The following ZNF507 variants were observed in gnomAD, a reference collection of about 807,000 sequenced individuals.
The protein encoded by ZNF507 is zinc finger protein 507.
ZNF507 carries 29 observed loss-of-function variants against 80.0 expected under a neutral mutation model. That is an observed-to-expected ratio of 0.36 (90% CI 0.27 to 0.49). The LOEUF is 0.49. Ranked by LOEUF, ZNF507 falls within the 20% of genes least tolerant of loss-of-function variation. The pLI is 0.98. For synonymous variants in ZNF507, 462 were observed against 422.5 expected (o/e 1.09, Z -1.15); for missense variants, 1,081 against 1,152.2 (o/e 0.94, Z 0.90).
At chr19:32,370,620 T>G (rs1423679812) in intron 5 of ZNF507, among the ~76,000 whole-genome samples, 1 of 152,236 alleles carries the variant, frequency 6.6e-6, no homozygotes, top group Non-Finnish European at 1.5e-5. Context: ...TCTTTATAAA[T>G]TTTGGATATT....
At position 32,353,834 on chromosome 19, in the gene ZNF507, C is replaced by T. The variant is rs201570914; in HGVS notation, c.1004C>T (p.Ser335Leu). 3 of 1,614,188 alleles carry T rather than the reference C, an allele frequency of 1.9e-6. No individual in the cohort carries two copies. The highest frequency in any genetic ancestry group is 2.5e-6 in the Non-Finnish European group (3 of 1,180,036). The change falls in exon 3 of 7, where the codon TCA becomes TTA. Residue 335 changes from serine to leucine, a missense_variant. This residue lies in a region of ZNF507 where 614 missense variants were observed against 583.9 expected (regional missense o/e 1.05). Coordinates refer to ENST00000355898, the MANE Select transcript of ZNF507 (RefSeq NM_001136156.2). ...TGCAGCTCAGAACAGTTATCATCTT[C>T]ATCTCCTTTAGAACAGAGTGCAGAA... ...QICSSEQLSS[S>L]SPLEQSAERG...
At chr19:32,368,028 A>T (rs1322232716) in intron 5 of ZNF507, among the ~76,000 whole-genome samples, 1 of 152,156 alleles carries the variant, frequency 6.6e-6, no homozygotes, top group Admixed American at 6.5e-5. Flanking sequence ...GGGCTAGCTT[A>T]AATAACTTTC....
intron 5 of ZNF507, among the ~76,000 whole-genome samples, chr19:32,373,235 A>G (rs1401600043): frequency 2.0e-5 from 3 of 151,810 alleles, no homozygotes; most frequent in African/African-American, 7.3e-5. Context: ...ACATACATTC[A>G]GATCATACCA....
At chr19:32,367,233 A>T (rs148475104) in intron 5 of ZNF507, among the ~76,000 whole-genome samples, 1 of 152,138 alleles carries the variant, frequency 6.6e-6, no homozygotes, top group African/African-American at 2.4e-5. Context: ...CAGACAGAGA[A>T]CTCATTATTC....
intron 5 of ZNF507, among the ~76,000 whole-genome samples, chr19:32,373,757 A>C (rs1383739439): frequency 1.3e-5 from 2 of 152,220 alleles, no homozygotes; most frequent in Non-Finnish European, 2.9e-5. Context: ...ATTTACATGT[A>C]TGTCTAATTT....
At chr19:32,368,923 T>C (rs1017218830) in intron 5 of ZNF507, among the ~76,000 whole-genome samples, 5 of 152,246 alleles carry the variant, frequency 3.3e-5, no homozygotes, top group African/African-American at 1.2e-4. Context: ...TCTGCTTTTT[T>C]CCATCTAAGC....
chr19:32,371,890 C>T (rs990459891), intron 5 of ZNF507, among the ~76,000 whole-genome samples: 3 of 152,028 alleles, frequency 2.0e-5, no homozygotes, highest in Admixed American at 2.0e-4. Flanking sequence ...CCGCCTGCCT[C>T]GGCCTCACAA....
Position 32,360,511 on chromosome 19 carries a change from G to T in ZNF507, c.2253G>T (p.Lys751Asn). 1 of 1,560,168 alleles carries T rather than the reference G, an allele frequency of 6.4e-7. No homozygotes were observed. Among genetic ancestry groups the T allele is most frequent in the Non-Finnish European group, 8.7e-7 (1 of 1,155,312 alleles). ...ADGKCVQEGNKSSVQKQYRCD... is the reference protein window; with the variant it reads ...ADGKCVQEGNNSSVQKQYRCD... ...CTGAAATACCTTGTCTAGGGAATAA[G>T]TCTTCAGTCCAGAAACAATATAGAT... The change falls in exon 5 of 7, where the codon AAG (lysine) becomes AAT (asparagine). Residue 751 changes from lysine to asparagine, a missense_variant. Physicochemically the swap from Lys to Asn is moderately conservative, Grantham distance 94 (BLOSUM62 0). Transcript: ENST00000355898.
chr19:32,378,181 C>T (rs1215219154), intron 5 of ZNF507, among the ~76,000 whole-genome samples: 1 of 152,024 alleles, frequency 6.6e-6, no homozygotes, highest in Non-Finnish European at 1.5e-5. Context: ...GACGAAACCC[C>T]ATCTCTACTA....
At chr19:32,377,247 A>G (rs542563745) in intron 5 of ZNF507, among the ~76,000 whole-genome samples, 16 of 152,298 alleles carry the variant, frequency 1.1e-4, no homozygotes, top group Admixed American at 7.8e-4. Flanking sequence ...CCGCTAGACC[A>G]TGGTCCGCTT....
chr19:32,347,505 A>T (rs1463113099), intron 2 of ZNF507, among the ~76,000 whole-genome samples, 167 bp downstream of exon 2: 1 of 152,134 alleles, frequency 6.6e-6, no homozygotes, highest in Non-Finnish European at 1.5e-5. Context: ...GTACATTTTT[A>T]TTCTCATTGA....
At chr19:32,361,364 C>T (rs1285904762) in intron 5 of ZNF507, among the ~76,000 whole-genome samples, 2 of 152,162 alleles carry the variant, frequency 1.3e-5, no homozygotes, top group East Asian at 3.9e-4. Flanking sequence ...AGGTTTAACT[C>T]TCTCCCCAGA....
chr19:32,348,486 A>C (rs545704047), intron 2 of ZNF507, among the ~76,000 whole-genome samples: 5 of 152,206 alleles, frequency 3.3e-5, no homozygotes, highest in Non-Finnish European at 7.3e-5. Flanking sequence ...ATAAAGAACT[A>C]ATTAGATACC....
At position 32,354,006 on chromosome 19, in the gene ZNF507, A is replaced by G. The variant is rs1354456403; in HGVS notation, c.1176A>G (p.Lys392=). 3 of 1,614,066 alleles carry G rather than the reference A, an allele frequency of 1.9e-6. No homozygotes were observed. The highest frequency in any genetic ancestry group is 2.5e-6 in the Non-Finnish European group (3 of 1,180,042). The stretch of plus-strand genomic sequence containing the variant: ...TCATCAGCAGCAGCCCCAATAAAAA[A>G]GGGCATGTTAACGTGATAGTGGAGC... ...QKIISSSPNK[K]GHVNVIVERL... The change falls in exon 3 of 7, where the codon AAA becomes AAG. Residue 392 remains lysine (K), a synonymous_variant. Transcript: ENST00000355898.
intron 2 of ZNF507, among the ~76,000 whole-genome samples, chr19:32,349,517 G>A (rs536554118): frequency 6.6e-6 from 1 of 152,342 alleles, no homozygotes; most frequent in East Asian, 1.9e-4. Flanking sequence ...TTTAAATGCT[G>A]TTACTTTTTA....
chr19:32,361,660 T>TC (rs1383532287), intron 5 of ZNF507, among the ~76,000 whole-genome samples: 1 of 132,030 alleles, frequency 7.6e-6, no homozygotes, highest in East Asian at 2.3e-4. Flanking sequence ...CTTCCTTCCT[T>TC]CTTTTCTTCC....
intron 2 of ZNF507, among the ~76,000 whole-genome samples, chr19:32,350,525 C>T (rs117898673): frequency 0.06 from 9,201 of 152,240 alleles, 525 homozygotes; most frequent in Admixed American, 0.2. Context: ...ATGAACTCCT[C>T]CTTCTCTTCA....
chr19:32,366,044 A>G (rs1056662085), intron 5 of ZNF507, among the ~76,000 whole-genome samples: 8 of 152,210 alleles, frequency 5.3e-5, no homozygotes, highest in Non-Finnish European at 1.2e-4. Context: ...CCCAAATAAT[A>G]TAAGATGAAT....
chr19:32,349,446 A>G (rs889655990), intron 2 of ZNF507, among the ~76,000 whole-genome samples: 1 of 152,240 alleles, frequency 6.6e-6, no homozygotes, highest in Non-Finnish European at 1.5e-5. Context: ...GCTCTTCAGT[A>G]TCTTTCAGGA....
Sources: allele counts gnomAD v4.1 joint callset (sites outside exome capture counted in the v4.1 genomes callset), GRCh38; gene constraint gnomAD v4.1.1; regional missense constraint gnomAD v4.1.1; transcripts MANE v1.5; gene names NCBI Gene and HGNC (gene_info 2026-07-23, HGNC 2026-07-21).